NAT10: variants seen among roughly 807,000 people sequenced by gnomAD.
NAT10 encodes N-acetyltransferase 10.
A neutral mutation model predicts 132.2 loss-of-function variants in NAT10; 109 were observed. The ratio of observed to expected loss-of-function variants is 0.82; its 90% CI spans 0.71 to 0.97. NAT10 has a LOEUF of 0.97. NAT10 is among the 50% of genes least tolerant of loss of function. The probability of loss-of-function intolerance (pLI) is 0.00; values close to 1 mark genes in which losing one functional copy is unlikely to be tolerated. For synonymous variants in NAT10, 479 were observed against 478.0 expected, an observed-to-expected ratio of 1.00 and a Z score of -0.03; for missense variants, 1,184 against 1,263.4, an observed-to-expected ratio of 0.94 and a Z score of 0.95.
intron 3 of NAT10, 83 bp downstream of exon 3, chr11:34,108,916 T>C: frequency 7.9e-7 from 1 of 1,258,572 alleles, no homozygotes; most frequent in Non-Finnish European, 1.1e-6. Flanking sequence ...CCTTCACATA[T>C]TTTTTAAGGG....
intron 28 of NAT10, among the ~76,000 whole-genome samples, chr11:34,144,551 T>C (rs1027913195): frequency 6.6e-6 from 1 of 152,152 alleles, no homozygotes; most frequent in Non-Finnish European, 1.5e-5. Context: ...AGAATGAAAA[T>C]GAAAAAAGGC....
chr11:34,130,776 G>C (rs776200496), intron 12 of NAT10, 37 bp from the exon 13 acceptor site: 1 of 1,612,538 alleles, frequency 6.2e-7, no homozygotes, highest in Admixed American at 1.7e-5. Flanking sequence ...AGTGGATTTG[G>C]GACCTTGTGC....
intron 12 of NAT10, among the ~76,000 whole-genome samples, chr11:34,130,158 A>G (rs181764880): frequency 1.4e-3 from 219 of 152,348 alleles, no homozygotes; most frequent in Non-Finnish European, 2.5e-3. Context: ...CTGTGGTGAC[A>G]TATGCCTGTG....
rs557685978 is a variant in NAT10 at position 34,140,679 on chromosome 11, C to G, written c.2592+107C>G. The G allele has an allele frequency of 2.0e-5, 26 of 1,281,190 alleles. No homozygotes were observed. In the East Asian group the frequency reaches 6.6e-4, roughly 33 times the overall value. The allele number at this position is 1,281,190 out of a possible 1,614,324, so 79.4% of individuals were successfully genotyped here. Reference sequence around the variant, plus strand: ...ACATAATTGTGTGCCTTTAATTCCTCATACATCTGATAGGTGGGTAGTGGC... The same window carrying G: ...ACATAATTGTGTGCCTTTAATTCCTGATACATCTGATAGGTGGGTAGTGGC... On this transcript the variant is annotated intron_variant, in intron 24 of 28. Transcript: ENST00000257829.
At chr11:34,109,345 A>G (rs547519151) in intron 3 of NAT10, among the ~76,000 whole-genome samples, 4 of 152,306 alleles carry the variant, frequency 2.6e-5, no homozygotes, top group Admixed American at 2.0e-4. Flanking sequence ...TATTATCAAA[A>G]GCTGATTACT....
intron 15 of NAT10, 41 bp downstream of exon 15, chr11:34,132,262 T>G (rs775715439): frequency 1.3e-6 from 2 of 1,510,688 alleles, no homozygotes; most frequent in South Asian, 2.2e-5. Flanking sequence ...AGCAGGGAGC[T>G]TCAGCATTTG....
rs373863933 is a variant in NAT10, at chr11:34,143,528, G to T, written c.2969G>T (p.Ser990Ile). The T allele has an allele frequency of 1.2e-6, 2 of 1,613,702 alleles. No homozygotes were observed. Among genetic ancestry groups the T allele is most frequent in the East Asian group, 2.2e-5 (1 of 44,886 alleles). Reference sequence around the variant, plus strand: ...AACGCCTCGATCATCAGCCTGAAAAGGTGAGGGCCCAGGGTCTGATGTGCA... The same window carrying T: ...AACGCCTCGATCATCAGCCTGAAAATGTGAGGGCCCAGGGTCTGATGTGCA... ...GPNASIISLK[S>I]DKKRKLEAKQ... Residue 990 changes from serine to isoleucine, a missense_variant and splice_region_variant, in exon 28 of 29, where the codon AGT becomes ATT. By Grantham distance (142) the Ser-to-Ile change is moderately radical. Transcript: ENST00000257829.
rs766687208 is a variant in NAT10, at chr11:34,131,350, C to T, written c.1370-31C>T. On this transcript the variant is annotated intron_variant, in intron 13 of 28. Transcript: ENST00000257829. ...GACAATACATATTTAATCATTGTTT[C>T]TTCTTTTGTGTGTGTGATTGTGGGG... is the stretch of plus-strand genomic sequence containing the variant. 5.1e-6 allele frequency: 8 copies of T among 1,578,314 alleles called. No individual in the cohort carries two copies. In the East Asian group the frequency reaches 1.4e-4, roughly 27 times the overall value.
chr11:34,143,306 C>T (rs1386128526), intron 27 of NAT10, 139 bp from the exon 28 acceptor site: 1 of 692,120 alleles, frequency 1.4e-6, no homozygotes, highest in African/African-American at 1.8e-5. Context: ...GTCCTTTCTG[C>T]TGTTCAAATG....
At chr11:34,124,470 T>C in intron 11 of NAT10, 70 bp downstream of exon 11, 1 of 1,144,328 alleles carries the variant, frequency 8.7e-7, no homozygotes, top group Non-Finnish European at 1.3e-6. Flanking sequence ...TCTAAGATGT[T>C]TCCTGTTATA....
chr11:34,133,226 G>A, intron 16 of NAT10, 84 bp downstream of exon 16: 1 of 1,091,344 alleles, frequency 9.2e-7, no homozygotes, highest in African/African-American at 1.5e-5. Context: ...ACTGCATTGT[G>A]GGAGTTTTGA....
chr11:34,109,409 T>C (rs950858875), intron 3 of NAT10, among the ~76,000 whole-genome samples: 2 of 152,218 alleles, frequency 1.3e-5, no homozygotes, highest in African/African-American at 4.8e-5. Context: ...TTTATTGCCA[T>C]ATACCTTAAA....
chr11:34,114,220 T>C (rs535929537), intron 5 of NAT10, among the ~76,000 whole-genome samples: 31 of 152,334 alleles, frequency 2.0e-4, no homozygotes, highest in Non-Finnish European at 3.5e-4. Flanking sequence ...CTTATCCTAA[T>C]GGATGACGAA....
intron 24 of NAT10, 114 bp from the exon 25 acceptor site, chr11:34,140,975 T>A: frequency 7.2e-7 from 1 of 1,386,350 alleles, no homozygotes; most frequent in Non-Finnish European, 1.0e-6. Context: ...TACACAGTGC[T>A]AGTCTACCTT....
At position 34,140,452 on chromosome 11, in the gene NAT10, G is replaced by A. The variant is rs759639838; in HGVS notation, c.2472G>A (p.Arg824=). 1 of 1,614,106 alleles carries A rather than the reference G, an allele frequency of 6.2e-7. No individual in the cohort carries two copies. The highest frequency in any genetic ancestry group is 8.5e-7 in the Non-Finnish European group (1 of 1,180,032). ...TCTTCCTCCCCTATGACCTGAAGCG[G>A]CTGGAGATGTATTCACGGAATATGG... The part of the protein sequence containing the change: ...EALFLPYDLK[R]LEMYSRNMVD... The change falls in exon 24 of 29, where the codon CGG becomes CGA. Residue 824 remains arginine, a synonymous_variant. Transcript: ENST00000257829.
intron 27 of NAT10, 100 bp downstream of exon 27, chr11:34,142,448 G>C: frequency 1.0e-6 from 1 of 983,086 alleles, no homozygotes; most frequent in Non-Finnish European, 1.6e-6. Context: ...CCTGGAAAGT[G>C]TCTTTCATGG....
intron 19 of NAT10, among the ~76,000 whole-genome samples, chr11:34,135,639 G>A (rs1303565948): frequency 6.6e-6 from 1 of 152,136 alleles, no homozygotes; most frequent in Non-Finnish European, 1.5e-5. Flanking sequence ...CCAGACTAAG[G>A]GAAGTTCTGT....
intron 6 of NAT10, among the ~76,000 whole-genome samples, chr11:34,117,544 A>G (rs1851802799): frequency 1.3e-5 from 2 of 152,302 alleles, no homozygotes; most frequent in Middle Eastern, 3.4e-3. Context: ...CATTTTAACC[A>G]TCTGTGATGC....
chr11:34,119,311 G>A (rs1392146000), intron 8 of NAT10, among the ~76,000 whole-genome samples: 1 of 152,232 alleles, frequency 6.6e-6, no homozygotes, highest in African/African-American at 2.4e-5. Flanking sequence ...TGAGCCAAAT[G>A]AGCAGCATGG....
Sources: allele counts gnomAD v4.1 joint callset (sites outside exome capture counted in the v4.1 genomes callset), GRCh38; gene constraint gnomAD v4.1.1; transcripts MANE v1.5; gene names NCBI Gene and HGNC (gene_info 2026-07-23, HGNC 2026-07-21).